RAC3: variants seen among roughly 807,000 people sequenced by gnomAD.
The protein encoded by RAC3 is ras-related C3 botulinum toxin substrate 3.
RAC3 carries 9 observed loss-of-function variants against 19.0 expected under a neutral mutation model. The ratio of observed to expected loss-of-function variants is 0.47; its 90% confidence interval spans 0.29 to 0.83. RAC3 has a LOEUF of 0.83. Ranked by LOEUF, RAC3 falls within the 40% of genes least tolerant of loss-of-function variation. RAC3 has a pLI of 0.09. For missense variants in RAC3, 203 were observed against 260.8 expected (o/e 0.78, Z 1.53); for synonymous variants, 146 against 111.8 (o/e 1.31, Z -1.93).
rs1050854338 is a variant in RAC3 at position 82,033,875 on chromosome 17, G to A, written c.*46G>A. On this transcript the variant is annotated 3_prime_UTR_variant, in exon 6 of 6. Coordinates refer to ENST00000306897, the MANE Select transcript of RAC3 (RefSeq NM_005052.3). This position sits in a 1 kb window ranked among gnomAD's most constrained non-coding sequence, Gnocchi z 6.2. ...TGAGGGCTGGCGGGGAGCAGCCCTG[G>A]ACGTGTCCGCTGTTGTGTTGAGACG... 1 of 1,548,622 alleles carries A rather than the reference G, an allele frequency of 6.5e-7. No homozygotes were observed. Among genetic ancestry groups the A allele is most frequent in the South Asian group, 1.2e-5 (1 of 84,814 alleles).
chr17:82,032,472 C>T lies in RAC3; in HGVS notation c.107+14C>T. On this transcript the variant is annotated intron_variant, in intron 2 of 5. Coordinates refer to ENST00000306897, the MANE Select transcript of RAC3 (RefSeq NM_005052.3). ...CATCCCCACCGTGTGAGTGTGGGGG[C>T]TTCCCGGGAGAGCACAGGCCCTCCG... 1.2e-6 allele frequency: 2 copies of T among 1,611,906 alleles called. No homozygotes were observed. The highest frequency in any genetic ancestry group is 1.7e-6 in the Non-Finnish European group (2 of 1,178,972).
rs984291723 is a variant in RAC3, at chr17:82,033,084, G to A, written c.288+75G>A. ...TGCCCCGACAAGTTGTCCTTTAGAG[G>A]CAATTGCGATACGGGTTCTGCCTGG... On this transcript the variant is annotated intron_variant, in intron 4 of 5. Transcript: ENST00000306897. The surrounding 1 kb of genome is among the most constrained non-coding windows in gnomAD (Gnocchi z 6.2). 8.9e-5 allele frequency: 126 copies of A among 1,418,060 alleles called. No homozygotes were observed. The highest frequency in any genetic ancestry group is 1.1e-4 in the Non-Finnish European group (116 of 1,048,680). 87.8% of individuals were successfully genotyped at this position (1,418,060 alleles called of 1,614,324 possible).
In RAC3 at chr17:82,033,779, C is replaced by T. The variant is rs1381566285; in HGVS notation, c.529C>T (p.Leu177Phe). 1 of 1,612,162 alleles carries T rather than the reference C, an allele frequency of 6.2e-7. No individual in the cohort carries two copies. The highest frequency in any genetic ancestry group is 8.5e-7 in the Non-Finnish European group (1 of 1,179,624). ...TVFDEAIRAV[L>F]CPPPVKKPGK... ...GTTTGACGAGGCGATCCGCGCGGTG[C>T]TCTGCCCGCCCCCAGTGAAGAAGCC... The change falls in exon 6 of 6, where the codon CTC becomes TTC. Residue 177 changes from leucine (L) to phenylalanine (F), a missense_variant. Coordinates refer to ENST00000306897, the MANE Select transcript of RAC3 (RefSeq NM_005052.3). This position sits in a 1 kb window ranked among gnomAD's most constrained non-coding sequence, Gnocchi z 6.2.
chr17:82,033,760 C>T lies in RAC3; in HGVS notation c.510C>T (p.Asp170=), dbSNP rs754076137. The T allele has an allele frequency of 6.8e-5, 110 of 1,612,836 alleles. No individual in the cohort carries two copies. The highest frequency in any genetic ancestry group is 3.3e-4 in the Middle Eastern group (2 of 6,062). The change falls in exon 6 of 6, where the codon GAC becomes GAT. Residue 170 remains aspartate, a synonymous_variant. Coordinates refer to ENST00000306897, the MANE Select transcript of RAC3 (RefSeq NM_005052.3). The surrounding 1 kb of genome is among the most constrained non-coding windows in gnomAD (Gnocchi z 6.2). ...LTQRGLKTVF[D]EAIRAVLCPP... is the part of the protein sequence containing the mutation. The stretch of plus-strand genomic sequence containing the variant: ...AGCGGGGCCTGAAGACAGTGTTTGA[C>T]GAGGCGATCCGCGCGGTGCTCTGCC...
At position 82,031,756 on chromosome 17, in the gene RAC3, G is replaced by A. The variant is rs942021640; in HGVS notation, c.-6G>A. ...GGCCGCGCCCGCCGCCGCCCGGCCCGCGCCCATGCAGGCCATCAAGTGCGT... is the reference window on the plus strand; with the variant it reads ...GGCCGCGCCCGCCGCCGCCCGGCCCACGCCCATGCAGGCCATCAAGTGCGT... On this transcript the variant is annotated 5_prime_UTR_variant, in exon 1 of 6. Coordinates refer to ENST00000306897, the MANE Select transcript of RAC3 (RefSeq NM_005052.3). The A allele has an allele frequency of 1.4e-4, 142 of 993,336 alleles. No homozygotes were observed. Among genetic ancestry groups the A allele is most frequent in the African/African-American group, 3.0e-4 (17 of 56,666 alleles). The allele number at this position is 993,336 out of a possible 1,614,324, so 61.5% of individuals were successfully genotyped here.
Position 82,033,739 on chromosome 17 carries a change from G to A in RAC3, c.489G>A (p.Arg163=), listed in dbSNP as rs2043455910. 4.3e-6 allele frequency: 7 copies of A among 1,613,098 alleles called. No homozygotes were observed. The East Asian group carries it at 1.1e-4, about 26-fold the overall frequency. Residue 163 remains arginine, a synonymous_variant, in exon 6 of 6, where the codon CGG becomes CGA. Coordinates refer to ENST00000306897, the MANE Select transcript of RAC3 (RefSeq NM_005052.3). The surrounding 1 kb of genome is among the most constrained non-coding windows in gnomAD (Gnocchi z 6.2). The part of the protein sequence containing the change: ...KYLECSALTQ[R]GLKTVFDEAI... Reference sequence around the variant, plus strand: ...TGGAGTGCTCAGCCCTGACCCAGCGGGGCCTGAAGACAGTGTTTGACGAGG... The same window carrying A: ...TGGAGTGCTCAGCCCTGACCCAGCGAGGCCTGAAGACAGTGTTTGACGAGG...
chr17:82,032,637 A>G, intron 2 of RAC3, 74 bp from the exon 3 acceptor site: 1 of 1,497,684 alleles, frequency 6.7e-7, no homozygotes, highest in South Asian at 1.1e-5. Flanking sequence ...TGTGAACCCC[A>G]AGACACAGGC....
intron 2 of RAC3, 95 bp downstream of exon 2, chr17:82,032,553 G>T: frequency 2.1e-6 from 3 of 1,439,612 alleles, no homozygotes; most frequent in Non-Finnish European, 2.9e-6. Flanking sequence ...TTCCACGTCG[G>T]CTCAGGTGGC....
chr17:82,032,128 C>G (rs987510749), intron 1 of RAC3: 5 of 532,556 alleles, frequency 9.4e-6, no homozygotes, highest in Admixed American at 6.8e-5. Context: ...CCTCTCCTGC[C>G]GCCACCCTCG....
rs1568019539 is a variant in RAC3 at position 82,033,668 on chromosome 17, CCTCA to C, written c.449-28_449-25del. On this transcript the variant is annotated intron_variant, in intron 5 of 5. Coordinates refer to ENST00000306897, the MANE Select transcript of RAC3 (RefSeq NM_005052.3). The surrounding 1 kb of genome is among the most constrained non-coding windows in gnomAD (Gnocchi z 6.2). ...CAGTAAGGGCCTCCCTGTACCCCAC[CCTCA>C]CTGTCTCCCCTCCTCACTGCCGCTA... 11 of 1,606,272 alleles carry C rather than the reference CCTCA, an allele frequency of 6.8e-6. No individual in the cohort carries two copies. Among genetic ancestry groups the C allele is most frequent in the Non-Finnish European group, 9.4e-6 (11 of 1,174,768 alleles).
In RAC3 at chr17:82,034,035, C is replaced by A. The variant is rs571018395; in HGVS notation, c.*206C>A. Reference sequence around the variant, plus strand: ...TGTGGCTCCAGCCTTCCCTGGCCCCCGCCGGAGGCCGGGAGGGAGCAGGGT... The same window carrying A: ...TGTGGCTCCAGCCTTCCCTGGCCCCAGCCGGAGGCCGGGAGGGAGCAGGGT... On this transcript the variant is annotated 3_prime_UTR_variant, in exon 6 of 6. Coordinates refer to ENST00000306897, the MANE Select transcript of RAC3 (RefSeq NM_005052.3). 26 of 475,122 alleles carry A rather than the reference C, an allele frequency of 5.5e-5. 1 individual carries two copies. Among genetic ancestry groups the A allele is most frequent in the African/African-American group, 5.0e-4 (24 of 48,028 alleles). 29.4% of individuals were successfully genotyped at this position (475,122 alleles called of 1,614,324 possible). A position where few individuals can be genotyped will look rare whatever the true frequency, so the allele number is the denominator to read the frequency against.
rs2043458808 is a variant in RAC3 at position 82,033,965 on chromosome 17, G to A, written c.*136G>A. ...GGGCCGGGGGGAAGCATGGGGATGA[G>A]GCTGGGTGGCAGGATCCTGTCCTCT... is the stretch of plus-strand genomic sequence containing the variant. On this transcript the variant is annotated 3_prime_UTR_variant, in exon 6 of 6. Transcript: ENST00000306897. The surrounding 1 kb of genome is among the most constrained non-coding windows in gnomAD (Gnocchi z 6.2). 1 of 1,202,270 alleles carries A rather than the reference G, an allele frequency of 8.3e-7. No homozygotes were observed. Among genetic ancestry groups the A allele is most frequent in the Non-Finnish European group, 1.1e-6 (1 of 875,730 alleles). 74.5% of individuals were successfully genotyped at this position (1,202,270 alleles called of 1,614,324 possible). A position where few individuals can be genotyped will look rare whatever the true frequency, so the allele number is the denominator to read the frequency against.
Position 82,033,664 on chromosome 17 carries a change from C to T in RAC3, c.449-35C>T. The T allele has an allele frequency of 6.2e-7, 1 of 1,606,168 alleles. No individual in the cohort carries two copies. Among genetic ancestry groups the T allele is most frequent in the Non-Finnish European group, 8.5e-7 (1 of 1,174,752 alleles). ...GGCGCAGTAAGGGCCTCCCTGTACC[C>T]CACCCTCACTGTCTCCCCTCCTCAC... is the stretch of plus-strand genomic sequence containing the variant. On this transcript the variant is annotated intron_variant, in intron 5 of 5. Coordinates refer to ENST00000306897, the MANE Select transcript of RAC3 (RefSeq NM_005052.3). The surrounding 1 kb of genome is among the most constrained non-coding windows in gnomAD (Gnocchi z 6.2).
At chr17:82,032,640 A>G in intron 2 of RAC3, 71 bp from the exon 3 acceptor site, 6 of 1,500,752 alleles carry the variant, frequency 4.0e-6, no homozygotes, top group Non-Finnish European at 4.6e-6. Context: ...GAACCCCAAG[A>G]CACAGGCCAG....
In RAC3 at chr17:82,032,844, G is replaced by A; in HGVS notation, c.225+16G>A. 6.2e-7 allele frequency: 1 copy of A among 1,612,498 alleles called. No homozygotes were observed. The highest frequency in any genetic ancestry group is 8.5e-7 in the Non-Finnish European group (1 of 1,179,400). On this transcript the variant is annotated intron_variant, in intron 3 of 5. Coordinates refer to ENST00000306897, the MANE Select transcript of RAC3 (RefSeq NM_005052.3). ...CCCCCAAACTGTACGTAACAATGGG[G>A]CCAGCCCCGGGAGCTGGGGGGGTCC...
At chr17:82,032,356 C>T (rs2144157287) in intron 1 of RAC3, 31 bp from the exon 2 acceptor site, 6 of 1,610,896 alleles carry the variant, frequency 3.7e-6, no homozygotes, top group Middle Eastern at 1.7e-4. Flanking sequence ...GAGGCCGGGC[C>T]CGGGAGCCAC....
chr17:82,031,734 C>T lies in RAC3; in HGVS notation c.-28C>T. 2 of 989,380 alleles carry T rather than the reference C, an allele frequency of 2.0e-6. No homozygotes were observed. The highest frequency in any genetic ancestry group is 6.2e-5 in the Admixed American group (1 of 16,054). The allele number at this position is 989,380 out of a possible 1,614,324, so 61.3% of individuals were successfully genotyped here. On this transcript the variant is annotated 5_prime_UTR_variant, in exon 1 of 6. Transcript: ENST00000306897. ...ATTTCTCCGCAGCTCGGCTCGCGGC[C>T]GCGCCCGCCGCCGCCCGGCCCGCGC...
Position 82,032,478 on chromosome 17 carries a change from G to T in RAC3, c.107+20G>T. On this transcript the variant is annotated intron_variant, in intron 2 of 5. Transcript: ENST00000306897. ...CACCGTGTGAGTGTGGGGGCTTCCC[G>T]GGAGAGCACAGGCCCTCCGTGTGAG... The T allele has an allele frequency of 6.2e-7, 1 of 1,611,580 alleles. No individual in the cohort carries two copies. The highest frequency in any genetic ancestry group is 1.3e-5 in the African/African-American group (1 of 75,020).
chr17:82,033,624 G>A lies in RAC3; in HGVS notation c.448+25G>A, dbSNP rs536970478. ...GGTGGGTAGGCGCTGGCGGCCTGCA[G>A]GGGAGGGGTGGGGAGGCGCAGTAAG... On this transcript the variant is annotated intron_variant, in intron 5 of 5. Transcript: ENST00000306897. The surrounding 1 kb of genome is among the most constrained non-coding windows in gnomAD (Gnocchi z 6.2). 7.1e-5 allele frequency: 114 copies of A among 1,602,024 alleles called. No homozygotes were observed. Among genetic ancestry groups the A allele is most frequent in the Middle Eastern group, 5.0e-4 (3 of 6,024 alleles).
Sources: allele counts gnomAD v4.1 joint callset, GRCh38; gene constraint gnomAD v4.1.1; non-coding constraint Gnocchi (gnomAD v3.1); transcripts MANE v1.5; gene names NCBI Gene and HGNC (gene_info 2026-07-23, HGNC 2026-07-21).